Variants in CREB5 observed in about 807,000 individuals in gnomAD.
CREB5 encodes cyclic AMP-responsive element-binding protein 5.
Under a neutral mutation model 57.1 loss-of-function variants are expected in CREB5, and 19 were observed. That is an observed-to-expected ratio of 0.33 (90% CI 0.23 to 0.49). CREB5 has a LOEUF of 0.49. CREB5 is among the 20% of genes least tolerant of loss of function. The probability of loss-of-function intolerance (pLI) is 0.99; values close to 1 mark genes in which losing one functional copy is unlikely to be tolerated. For synonymous variants in CREB5, 238 were observed against 238.3 expected, an observed-to-expected ratio of 1.00 and a Z score of 0.01; for missense variants, 579 against 671.6, an observed-to-expected ratio of 0.86 and a Z score of 1.52.
chr7:28,524,809 A>G (rs541142819), intron 4 of CREB5, among the ~76,000 whole-genome samples: 6 of 152,328 alleles, frequency 3.9e-5, no homozygotes, highest in Non-Finnish European at 8.8e-5. Context: ...CTATTACCTT[A>G]AACATTTACC....
At chr7:28,410,391 C>T (rs748534017), upstream of CREB5, 1 of 456,740 alleles carries the variant, frequency 2.2e-6, no homozygotes, top group Non-Finnish European at 4.4e-6. Context: ...GCGGAGTCTC[C>T]CCCTGCGGCA....
intron 1 of CREB5, among the ~76,000 whole-genome samples, chr7:28,331,722 A>G (rs1489835567): frequency 1.3e-5 from 2 of 151,888 alleles, no homozygotes; most frequent in Non-Finnish European, 2.9e-5. Flanking sequence ...GGTGGCTCGC[A>G]CCTGTAATCC....
rs746742237 is a variant in CREB5 at position 28,494,930 on chromosome 7, A to G, written c.100A>G (p.Met34Val). The G allele has an allele frequency of 1.2e-6, 2 of 1,605,326 alleles. No homozygotes were observed. Among genetic ancestry groups the G allele is most frequent in the South Asian group, 2.3e-5 (2 of 88,758 alleles). Residue 34 changes from methionine to valine, a missense_variant, in exon 3 of 11, where the codon ATG becomes GTG. Physicochemically the swap from Met to Val is conservative, Grantham distance 21 (BLOSUM62 1). Around this residue, in one of 3 missense-constraint regions of CREB5, gnomAD observed 459 missense variants for 515.7 expected, o/e 0.89. Transcript: ENST00000357727. ...GCGCTTCCCAACAGAGGACCATCTG[A>G]TGATTCATAGGCACAAACATGAAAT... is the stretch of plus-strand genomic sequence containing the variant. Reference protein sequence around the residue: ...SQRFPTEDHLMIHRHKHEMTL... With the variant: ...SQRFPTEDHLVIHRHKHEMTL...
At chr7:28,446,410 G>A (rs1789470237) in intron 1 of CREB5, among the ~76,000 whole-genome samples, 1 of 152,204 alleles carries the variant, frequency 6.6e-6, no homozygotes, top group Non-Finnish European at 1.5e-5. Flanking sequence ...AGAGCAGAGA[G>A]CACAAAAGAA....
At position 28,821,276 on chromosome 7, in the gene CREB5, A is replaced by G. The variant is rs1442562473; in HGVS notation, c.*1997A>G. The G allele has an allele frequency of 6.6e-6, 1 of 152,146 alleles. No homozygotes were observed. Among genetic ancestry groups the G allele is most frequent in the Non-Finnish European group, 1.5e-5 (1 of 68,030 alleles). The allele number at this position is 152,146 out of a possible 1,614,324, so 9.4% of individuals were successfully genotyped here. ...GTATAAGAATCTATTTTGGAGAAAA[A>G]AAGAAAATATGAGGGTCTCGAAGCA... is the stretch of plus-strand genomic sequence containing the variant. On this transcript the variant is annotated 3_prime_UTR_variant, in exon 11 of 11. Transcript: ENST00000357727.
At chr7:28,372,208 A>G (rs945460813) in intron 1 of CREB5, among the ~76,000 whole-genome samples, 2 of 152,230 alleles carry the variant, frequency 1.3e-5, no homozygotes, top group Non-Finnish European at 2.9e-5. Context: ...AGGCAGATAC[A>G]TACATTACTA....
At chr7:28,472,039 A>G (rs1445585542) in intron 1 of CREB5, among the ~76,000 whole-genome samples, 1 of 152,050 alleles carries the variant, frequency 6.6e-6, no homozygotes, top group African/African-American at 2.4e-5. Flanking sequence ...GCAAACCAAA[A>G]CCAAAACAAA....
chr7:28,560,921 T>TGTGTGCGTGTGCGTGC (rs1795180804), intron 4 of CREB5, among the ~76,000 whole-genome samples: 12 of 40,584 alleles, frequency 3.0e-4, no homozygotes, highest in African/African-American at 1.3e-3. Context: ...TGTGCGTGTG[T>TGTGTGCGTGTGCGTGC]GCGCGTGCGT....
chr7:28,509,010 A>T (rs1409609647), intron 4 of CREB5, among the ~76,000 whole-genome samples: 4 of 152,234 alleles, frequency 2.6e-5, no homozygotes, highest in Non-Finnish European at 5.9e-5. Context: ...CCATAAAAAT[A>T]GCATGCAAGA....
At chr7:28,672,456 A>G (rs1450811422) in intron 5 of CREB5, among the ~76,000 whole-genome samples, 7 of 152,184 alleles carry the variant, frequency 4.6e-5, no homozygotes, top group Non-Finnish European at 4.4e-5. Flanking sequence ...AGAAAAAAAA[A>G]ATGCTCTTTT....
rs56166148 is a variant in CREB5, at chr7:28,394,070, C to CAAAAAAAAAAAAAA, written c.-25+94652_-25+94665dup. On this transcript the variant is annotated intron_variant, in intron 1 of 9. Transcript: ENST00000396299. ...TGGGGGATGGAGCAAGACTCTGTCT[C>CAAAAAAAAAAAAAA]AAAAAAAAAAAAAAAAAAAAAAAAA... Among the ~76,000 whole-genome samples, 2 of 53,014 alleles carry CAAAAAAAAAAAAAA rather than the reference C, an allele frequency of 3.8e-5. 1 individual carries two copies. The highest frequency in any genetic ancestry group is 2.1e-4 in the African/African-American group (2 of 9,310). 34.8% of individuals were successfully genotyped at this position (53,014 alleles called of 152,430 possible).
At chr7:28,325,476 A>G (rs1329009009) in intron 1 of CREB5, among the ~76,000 whole-genome samples, 1 of 151,974 alleles carries the variant, frequency 6.6e-6, no homozygotes, top group Non-Finnish European at 1.5e-5. Flanking sequence ...AAAAATGTAA[A>G]TCAAACCATG....
chr7:28,555,860 T>C (rs2128636350), intron 4 of CREB5, among the ~76,000 whole-genome samples: 1 of 152,344 alleles, frequency 6.6e-6, no homozygotes, highest in Non-Finnish European at 1.5e-5. Flanking sequence ...AAATATTATT[T>C]CTTAGTCTAT....
intron 1 of CREB5, among the ~76,000 whole-genome samples, chr7:28,476,768 G>A (rs1791084364): frequency 6.6e-6 from 1 of 152,220 alleles, no homozygotes; most frequent in South Asian, 2.1e-4. Context: ...TTATATATGT[G>A]TTTGCAGCTT....
intron 1 of CREB5, among the ~76,000 whole-genome samples, chr7:28,402,564 G>A (rs969143195): frequency 6.6e-6 from 1 of 152,146 alleles, no homozygotes; most frequent in African/African-American, 2.4e-5. Context: ...ACAAAAACAA[G>A]CAATGGGGAA....
chr7:28,594,603 G>A (rs1352435000), intron 5 of CREB5, among the ~76,000 whole-genome samples: 2 of 152,202 alleles, frequency 1.3e-5, no homozygotes, highest in Non-Finnish European at 2.9e-5. Context: ...CAACTAGACG[G>A]TGGACACATC....
intron 5 of CREB5, among the ~76,000 whole-genome samples, chr7:28,582,363 C>T (rs1796151692): frequency 1.3e-5 from 2 of 152,124 alleles, no homozygotes; most frequent in East Asian, 1.9e-4. Flanking sequence ...CAATGGTAAC[C>T]TTCACGGGGA....
intron 5 of CREB5, among the ~76,000 whole-genome samples, chr7:28,667,186 C>T (rs182635872): frequency 4.2e-4 from 64 of 151,784 alleles, no homozygotes; most frequent in African/African-American, 1.5e-3. Flanking sequence ...CATGCTGTCC[C>T]TGGGTGGGGC....
intron 4 of CREB5, among the ~76,000 whole-genome samples, chr7:28,526,426 G>A (rs1306475926): frequency 6.6e-6 from 1 of 152,160 alleles, no homozygotes; most frequent in Non-Finnish European, 1.5e-5. Flanking sequence ...ATCATCTTTG[G>A]AACACATTCA....
Sources: allele counts gnomAD v4.1 joint callset (sites outside exome capture counted in the v4.1 genomes callset), GRCh38; gene constraint gnomAD v4.1.1; regional missense constraint gnomAD v4.1.1; transcripts MANE v1.5; gene names NCBI Gene and HGNC (gene_info 2026-07-23, HGNC 2026-07-21).